The following SARDH variants were observed in gnomAD, a reference collection of about 807,000 sequenced individuals.
SARDH encodes the protein sarcosine dehydrogenase.
In SARDH, 95 loss-of-function variants were observed where a neutral mutation model predicts 109.1. That is an observed-to-expected ratio of 0.87 (90% CI 0.74 to 1.03). The LOEUF (loss-of-function observed/expected upper bound fraction) is 1.03. SARDH is among the 50% of genes least tolerant of loss of function. The pLI is 0.00. For missense variants in SARDH, 1,267 were observed against 1,287.8 expected, an observed-to-expected ratio of 0.98 and a Z score of 0.25; for synonymous variants, 572 against 534.8, an observed-to-expected ratio of 1.07 and a Z score of -0.96.
chr9:133,732,735 G>C, intron 2 of SARDH, 134 bp from the exon 3 acceptor site: 2 of 1,008,194 alleles, frequency 2.0e-6, no homozygotes, highest in Non-Finnish European at 1.4e-6. Context: ...GCAGGACCTG[G>C]GGGGCCTGGA....
At position 133,666,688 on chromosome 9, in the gene SARDH, G is replaced by C; in HGVS notation, c.2631+47C>G. On this transcript the variant is annotated intron_variant, in intron 20 of 20. Transcript: ENST00000439388. The surrounding 1 kb of genome is among the most constrained non-coding windows in gnomAD (Gnocchi z 5.2). ...AGTGCAGGGAGCTGGTTTGGAGCTG[G>C]TGAGGGATCGGCATCTGCCTTAGCA... is the stretch of plus-strand genomic sequence containing the variant. 1 of 1,557,268 alleles carries C rather than the reference G, an allele frequency of 6.4e-7. No homozygotes were observed. Among genetic ancestry groups the C allele is most frequent in the South Asian group, 1.2e-5 (1 of 84,492 alleles).
At chr9:133,667,287 C>T (rs183279405) in intron 19 of SARDH, among the ~76,000 whole-genome samples, 42 of 150,836 alleles carry the variant, frequency 2.8e-4, no homozygotes, top group Middle Eastern at 6.8e-3. Context: ...CTGCCTCAGC[C>T]TCCGGAGTAG....
chr9:133,671,457 C>T (rs1328556595), intron 18 of SARDH, 78 bp downstream of exon 18: 18 of 1,445,836 alleles, frequency 1.2e-5, no homozygotes, highest in African/African-American at 2.9e-5. Flanking sequence ...AACAGCTTCT[C>T]GGCCTCCAGG....
rs752485638 is a variant in SARDH, at chr9:133,734,136, G to A, written c.38C>T (p.Ala13Val). 8 of 1,607,584 alleles carry A rather than the reference G, an allele frequency of 5.0e-6. No individual in the cohort carries two copies. The South Asian group carries it at 6.6e-5, about 13-fold the overall frequency. The change falls in exon 2 of 21, where the codon GCC becomes GTC. Residue 13 changes from alanine (A) to valine (V), a missense_variant. By Grantham distance (64) the Ala-to-Val change is moderately conservative. Coordinates refer to ENST00000439388, the MANE Select transcript of SARDH (RefSeq NM_001134707.2). Reference sequence around the variant, plus strand: ...CCGGGTAGGGCTCTGGCGAGGGTGGGCAGCAGCCACACGTAGGGCTCGGCT... The same window carrying A: ...CCGGGTAGGGCTCTGGCGAGGGTGGACAGCAGCCACACGTAGGGCTCGGCT... ...SLSRALRVAA[A>V]HPRQSPTRGM...
At position 133,709,758 on chromosome 9, in the gene SARDH, C is replaced by G. The variant is rs567571903; in HGVS notation, c.1329-1330G>C. Among the ~76,000 whole-genome samples, 1 of 152,302 alleles carries G rather than the reference C, an allele frequency of 6.6e-6. No homozygotes were observed. Among genetic ancestry groups the G allele is most frequent in the Non-Finnish European group, 1.5e-5 (1 of 68,026 alleles). On this transcript the variant is annotated intron_variant, in intron 10 of 20. Coordinates refer to ENST00000439388, the MANE Select transcript of SARDH (RefSeq NM_001134707.2). The surrounding 1 kb of genome is among the most constrained non-coding windows in gnomAD (Gnocchi z 4.2). ...GAGGAAATCCCTCTCTCTTTGTCCC[C>G]AGAGCTGCCTTCTGCATGGGACCCA...
intron 17 of SARDH, among the ~76,000 whole-genome samples, chr9:133,679,655 C>A (rs1410070868): frequency 6.6e-6 from 1 of 152,236 alleles, no homozygotes; most frequent in African/African-American, 2.4e-5. Context: ...GCAAGGACAG[C>A]TGGTCTGCTG....
At chr9:133,695,233 A>T (rs1831241025) in intron 14 of SARDH, among the ~76,000 whole-genome samples, 1 of 152,196 alleles carries the variant, frequency 6.6e-6, no homozygotes, top group African/African-American at 2.4e-5. Context: ...ACCTGAGGTC[A>T]GGAGTTTCAG....
chr9:133,710,211 G>A (rs936302648), intron 10 of SARDH, among the ~76,000 whole-genome samples: 8 of 152,362 alleles, frequency 5.3e-5, no homozygotes, highest in South Asian at 2.1e-4. Flanking sequence ...CCTCGAGTGC[G>A]CTCCAAGAGG....
At chr9:133,738,459 C>G (rs576176352), upstream of SARDH, 16 of 152,006 alleles carry the variant, frequency 1.1e-4, no homozygotes, top group African/African-American at 3.1e-4. Context: ...TTAGTTGGGG[C>G]TTCTAGGCCA....
chr9:133,721,021 G>C (rs1832306657), intron 6 of SARDH, among the ~76,000 whole-genome samples: 1 of 152,148 alleles, frequency 6.6e-6, no homozygotes, highest in South Asian at 2.1e-4. Flanking sequence ...AAAAAAATAA[G>C]AATATCAGAA....
Position 133,666,854 on chromosome 9 carries a change from C to T in SARDH, c.2512G>A (p.Gly838Ser). The stretch of plus-strand genomic sequence containing the variant: ...CCGTTCCTCCAGATGGCCTCCAGGC[C>T]AAACATGGGTACTTTGCTGGAAGAA... ...FTMEDKVPMF[G>S]LEAIWRNGQV... is the part of the protein sequence containing the mutation. The change falls in exon 20 of 21, where the codon GGC becomes AGC. Residue 838 changes from glycine to serine, a missense_variant. Physicochemically the swap from Gly to Ser is moderately conservative, Grantham distance 56 (BLOSUM62 0). Transcript: ENST00000439388. The surrounding 1 kb of genome is among the most constrained non-coding windows in gnomAD (Gnocchi z 5.2). The T allele has an allele frequency of 2.5e-6, 4 of 1,612,450 alleles. No homozygotes were observed. Among genetic ancestry groups the T allele is most frequent in the Non-Finnish European group, 3.4e-6 (4 of 1,179,550 alleles).
At chr9:133,719,458 A>T (rs1437287700) in intron 6 of SARDH, among the ~76,000 whole-genome samples, 2 of 152,008 alleles carry the variant, frequency 1.3e-5, no homozygotes. Flanking sequence ...GCTGGAGGAG[A>T]GGGAGACTGA....
chr9:133,682,213 G>A (rs1036512798), intron 17 of SARDH, among the ~76,000 whole-genome samples: 8 of 152,128 alleles, frequency 5.3e-5, no homozygotes, highest in African/African-American at 1.9e-4. Flanking sequence ...CACATGAGCA[G>A]GGCACTGGAG....
At chr9:133,675,900 G>A (rs974002600) in intron 17 of SARDH, among the ~76,000 whole-genome samples, 1 of 152,170 alleles carries the variant, frequency 6.6e-6, no homozygotes, top group Non-Finnish European at 1.5e-5. Context: ...AGACCAGCCT[G>A]GGCAACATAG....
chr9:133,716,267 G>A (rs566489292), intron 8 of SARDH, among the ~76,000 whole-genome samples: 6 of 152,326 alleles, frequency 3.9e-5, no homozygotes, highest in South Asian at 2.1e-4. Flanking sequence ...GAAGGAGGGC[G>A]CTGGCCCTGA....
chr9:133,696,567 A>G (rs1026734172), intron 13 of SARDH, among the ~76,000 whole-genome samples: 1 of 152,224 alleles, frequency 6.6e-6, no homozygotes, highest in Non-Finnish European at 1.5e-5. Flanking sequence ...CAGGATAGAT[A>G]ATATGCTAAG....
At chr9:133,701,439 C>T (rs1831482098) in intron 13 of SARDH, among the ~76,000 whole-genome samples, 1 of 152,264 alleles carries the variant, frequency 6.6e-6, no homozygotes. Context: ...AACCAAAACC[C>T]TCAGCAGCCT....
intron 16 of SARDH, among the ~76,000 whole-genome samples, chr9:133,690,103 T>C (rs935344022): frequency 6.6e-6 from 1 of 152,152 alleles, no homozygotes; most frequent in Non-Finnish European, 1.5e-5. Context: ...CGGTAATTCC[T>C]AGACTGCACT....
chr9:133,662,654 C>T (rs1334129459), downstream of SARDH, among the ~76,000 whole-genome samples: 2 of 152,226 alleles, frequency 1.3e-5, no homozygotes, highest in Non-Finnish European at 2.9e-5. The surrounding 1 kb of genome is among the most constrained non-coding windows in gnomAD (Gnocchi z 5.1). Context: ...CAGTGGGCCG[C>T]GTGGCCTGGG....
Sources: gnomAD v4.1 joint callset for allele counts (sites outside exome capture counted in the v4.1 genomes callset) on GRCh38, gnomAD v4.1.1 for gene constraint, Gnocchi (gnomAD v3.1) non-coding constraint, MANE v1.5 for transcripts, NCBI Gene and HGNC (gene_info 2026-07-23, HGNC 2026-07-21) for gene names.